Variants in LRRTM3 observed in about 807,000 individuals in gnomAD.
LRRTM3 encodes leucine-rich repeat transmembrane neuronal protein 3.
In LRRTM3, 24 loss-of-function variants were observed where a neutral mutation model predicts 44.7. The ratio of observed to expected loss-of-function variants is 0.54; its 90% CI spans 0.39 to 0.76. The LOEUF (loss-of-function observed/expected upper bound fraction) is 0.76. LRRTM3 is among the 30% of genes least tolerant of loss of function. LRRTM3 has a pLI of 0.00. For synonymous variants in LRRTM3, 277 were observed against 278.7 expected (o/e 0.99, Z 0.06); for missense variants, 587 against 702.2 (o/e 0.84, Z 1.85).
intron 2 of LRRTM3, among the ~76,000 whole-genome samples, chr10:66,991,053 C>A (rs1425310494): frequency 1.3e-5 from 2 of 152,130 alleles, no homozygotes. Flanking sequence ...ACAAGTCTTA[C>A]AAGACACGCT....
chr10:67,097,792 C>T lies in LRRTM3; in HGVS notation c.1742C>T (p.Ala581Val). Residue 581 changes from alanine (A) to valine (V), a missense_variant, in exon 3 of 3, where the codon GCT (alanine) becomes GTT (valine). Physicochemically the swap from Ala to Val is moderately conservative, Grantham distance 64. Around this residue, in one of 3 missense-constraint regions of LRRTM3, gnomAD observed 315 missense variants for 335.6 expected, o/e 0.94. Coordinates refer to ENST00000361320, the MANE Select transcript of LRRTM3 (RefSeq NM_178011.5). ...ATCAGTGACCATAAACAGCAGCTAG[C>T]TTAACTGAGATCATTGGTAGCCAGG... ...GRISDHKQQL[A>V] 6.2e-7 allele frequency: 1 copy of T among 1,612,048 alleles called. No homozygotes were observed. Among genetic ancestry groups the T allele is most frequent in the South Asian group, 1.1e-5 (1 of 91,054 alleles).
At chr10:66,943,106 G>T (rs1260964786) in intron 2 of LRRTM3, among the ~76,000 whole-genome samples, 1 of 152,078 alleles carries the variant, frequency 6.6e-6, no homozygotes, top group Non-Finnish European at 1.5e-5. Flanking sequence ...ACAAAGCATT[G>T]GATTTTCTCA....
chr10:67,011,871 G>C (rs1285984606), intron 2 of LRRTM3, among the ~76,000 whole-genome samples: 1 of 152,114 alleles, frequency 6.6e-6, no homozygotes, highest in Admixed American at 6.6e-5. Context: ...GTGGAATTCA[G>C]TCCCAGATCA....
At chr10:66,926,851 C>T (rs1023254829) in intron 1 of LRRTM3, 70 bp from the exon 2 acceptor site, 8 of 1,311,850 alleles carry the variant, frequency 6.1e-6, no homozygotes, top group Admixed American at 5.3e-5. Context: ...AAATATATGC[C>T]TATTTTTGCT....
At chr10:66,995,719 C>T (rs1192025869) in intron 2 of LRRTM3, among the ~76,000 whole-genome samples, 1 of 152,172 alleles carries the variant, frequency 6.6e-6, no homozygotes, top group Non-Finnish European at 1.5e-5. Flanking sequence ...TTTGCTTACA[C>T]TGCTCCTTCT....
intron 2 of LRRTM3, among the ~76,000 whole-genome samples, chr10:66,978,526 C>CAAAAAAAAAAA (rs1170594360): frequency 2.4e-5 from 1 of 42,322 alleles, no homozygotes; most frequent in Non-Finnish European, 3.9e-5. Context: ...GACTCCATCT[C>CAAAAAAAAAAA]AAAAAAAAAA....
At position 66,980,040 on chromosome 10, in the gene LRRTM3, T is replaced by A. The variant is rs576495759; in HGVS notation, c.1536+51588T>A. 2.0e-5 allele frequency among the ~76,000 whole-genome samples: 3 copies of A among 152,308 alleles called. No individual in the cohort carries two copies. The South Asian group carries it at 6.2e-4, about 32-fold the overall frequency. On this transcript the variant is annotated intron_variant, in intron 2 of 2. Coordinates refer to ENST00000361320, the MANE Select transcript of LRRTM3 (RefSeq NM_178011.5). Reference sequence around the variant, plus strand: ...TGCATTGGCACTGGAGACACTTTTTTCCCTAAAATGTTTAGAGGCCTAGAA... The same window carrying A: ...TGCATTGGCACTGGAGACACTTTTTACCCTAAAATGTTTAGAGGCCTAGAA...
intron 2 of LRRTM3, among the ~76,000 whole-genome samples, chr10:67,034,429 A>G (rs946338077): frequency 1.2e-4 from 19 of 152,048 alleles, no homozygotes; most frequent in African/African-American, 4.1e-4. Flanking sequence ...CAATACTTCT[A>G]TGTTGGTTTA....
intron 2 of LRRTM3, among the ~76,000 whole-genome samples, chr10:66,934,462 C>T (rs946122459): frequency 1.3e-5 from 2 of 152,114 alleles, no homozygotes; most frequent in Admixed American, 6.6e-5. Flanking sequence ...AAAAGTTACA[C>T]ACTTGCATTA....
intron 2 of LRRTM3, among the ~76,000 whole-genome samples, chr10:66,998,271 T>C (rs1776229884): frequency 6.6e-6 from 1 of 152,144 alleles, no homozygotes. Context: ...CCTTACTCTA[T>C]GTTTACTTAG....
chr10:67,020,968 G>A (rs1047952263), intron 2 of LRRTM3, among the ~76,000 whole-genome samples: 2 of 152,166 alleles, frequency 1.3e-5, no homozygotes, highest in African/African-American at 4.8e-5. Context: ...TAGAAGGCTA[G>A]TTAAACCTTG....
At chr10:67,068,327 G>C (rs1856218926) in intron 2 of LRRTM3, among the ~76,000 whole-genome samples, 1 of 152,088 alleles carries the variant, frequency 6.6e-6, no homozygotes, top group South Asian at 2.1e-4. Flanking sequence ...TTCAGGTAAA[G>C]GGAATAATAA....
chr10:66,967,359 GATAT>G (rs1849485989), intron 2 of LRRTM3, among the ~76,000 whole-genome samples: 5 of 145,182 alleles, frequency 3.4e-5, no homozygotes, highest in South Asian at 2.3e-4. Flanking sequence ...TAGATAGATA[GATAT>G]ATGTAGATAT....
intron 2 of LRRTM3, among the ~76,000 whole-genome samples, chr10:67,001,942 T>A (rs907733845): frequency 6.6e-6 from 1 of 152,194 alleles, no homozygotes; most frequent in South Asian, 2.1e-4. Flanking sequence ...GGCTTCACCA[T>A]GGCTGGGAAA....
chr10:67,037,388 G>GAA (rs66693044), intron 2 of LRRTM3, among the ~76,000 whole-genome samples: 3 of 145,564 alleles, frequency 2.1e-5, no homozygotes, highest in African/African-American at 7.6e-5. Context: ...AAAGAAAAAA[G>GAA]AAAAAAAAAA....
intron 2 of LRRTM3, among the ~76,000 whole-genome samples, chr10:67,088,996 T>C (rs894784344): frequency 1.3e-5 from 2 of 152,048 alleles, no homozygotes; most frequent in Non-Finnish European, 2.9e-5. Context: ...AGATAGAATA[T>C]ACATTGTATT....
chr10:67,070,743 CT>C (rs940442905), intron 2 of LRRTM3, among the ~76,000 whole-genome samples: 1 of 150,850 alleles, frequency 6.6e-6, no homozygotes, highest in African/African-American at 2.4e-5. Context: ...AAGACCCCAT[CT>C]CAAAAAAAAA....
chr10:67,007,480 T>C (rs1478028059), intron 2 of LRRTM3, among the ~76,000 whole-genome samples: 1 of 152,032 alleles, frequency 6.6e-6, no homozygotes, highest in Non-Finnish European at 1.5e-5. Context: ...AGATAAAATA[T>C]TTGACAAGCA....
chr10:66,990,049 A>T (rs903189441), intron 2 of LRRTM3, among the ~76,000 whole-genome samples: 3 of 152,186 alleles, frequency 2.0e-5, no homozygotes, highest in Non-Finnish European at 1.5e-5. Context: ...CATAAAACAG[A>T]TGAGAAGCTC....
Sources: allele counts gnomAD v4.1 joint callset (sites outside exome capture counted in the v4.1 genomes callset), GRCh38; gene constraint gnomAD v4.1.1; regional missense constraint gnomAD v4.1.1; transcripts MANE v1.5; gene names NCBI Gene and HGNC (gene_info 2026-07-23, HGNC 2026-07-21).